PPP1R3A: variants seen among roughly 807,000 people sequenced by gnomAD.
PPP1R3A encodes the protein RG1.
Under a neutral mutation model 41.7 loss-of-function variants are expected in PPP1R3A, and 29 were observed. The observed-to-expected ratio is 0.70, with a 90% CI of 0.52 to 0.95. PPP1R3A has a LOEUF of 0.95. Ranked by LOEUF, PPP1R3A falls within the 40% of genes least tolerant of loss-of-function variation. The pLI, the probability that PPP1R3A is intolerant of heterozygous loss-of-function variation, is 0.00. For missense variants in PPP1R3A, 1,352 were observed against 1,292.4 expected (o/e 1.05, Z -0.71); for synonymous variants, 485 against 453.4 (o/e 1.07, Z -0.89).
rs770332094 is a variant in PPP1R3A at position 113,882,268 on chromosome 7, T to A, written c.835A>T (p.Asn279Tyr). 5 of 1,505,982 alleles carry A rather than the reference T, an allele frequency of 3.3e-6. No individual in the cohort carries two copies. In the South Asian group the frequency reaches 5.6e-5, roughly 17 times the overall value. The allele number at this position is 1,505,982 out of a possible 1,614,324, so 93.3% of individuals were successfully genotyped here. ...AATTAATGAAGAATATTACCTGTAT[T>A]CTTTGGATTCTCAAAGTTATTTTCT... ...SEENNFENPK[N>Y]TDTYIPTIIC... Residue 279 changes from asparagine to tyrosine, a missense_variant, in exon 2 of 4, where the codon AAT (asparagine) becomes TAT (tyrosine). Asn to Tyr is a moderately radical substitution (Grantham distance 143, BLOSUM62 -2). Coordinates refer to ENST00000284601, the MANE Select transcript of PPP1R3A (RefSeq NM_002711.4).
chr7:113,882,104 T>C lies in PPP1R3A; in HGVS notation c.901A>G (p.Asn301Asp), dbSNP rs754993999. 1 of 1,611,972 alleles carries C rather than the reference T, an allele frequency of 6.2e-7. No homozygotes were observed. Among genetic ancestry groups the C allele is most frequent in the Non-Finnish European group, 8.5e-7 (1 of 1,178,434 alleles). Residue 301 changes from asparagine (N) to aspartate (D), a missense_variant, in exon 3 of 4, where the codon AAT (asparagine) becomes GAT (aspartate). Physicochemically the swap from Asn to Asp is conservative, Grantham distance 23 (BLOSUM62 1). Coordinates refer to ENST00000284601, the MANE Select transcript of PPP1R3A (RefSeq NM_002711.4). ...CTGTTTACATCTTTTACATTTCGATTACTGGCTTCCAAATCTTCCTTGTCC... is the reference window on the plus strand; with the variant it reads ...CTGTTTACATCTTTTACATTTCGATCACTGGCTTCCAAATCTTCCTTGTCC... Reference protein sequence around the residue: ...HEDKEDLEASNRNVKDVNREH... With the variant: ...HEDKEDLEASDRNVKDVNREH...
At position 113,877,638 on chromosome 7, in the gene PPP1R3A, T is replaced by G; in HGVS notation, c.*85A>C. Reference sequence around the variant, plus strand: ...TTCAAGAGAAAAACTGCACTGGATCTTTGAACAATGAATAGTCCCATTCAC... The same window carrying G: ...TTCAAGAGAAAAACTGCACTGGATCGTTGAACAATGAATAGTCCCATTCAC... On this transcript the variant is annotated 3_prime_UTR_variant, in exon 4 of 4. Coordinates refer to ENST00000284601, the MANE Select transcript of PPP1R3A (RefSeq NM_002711.4). The G allele has an allele frequency of 7.0e-7, 1 of 1,437,192 alleles. No homozygotes were observed. Among genetic ancestry groups the G allele is most frequent in the Admixed American group, 2.4e-5 (1 of 42,308 alleles). The allele number at this position is 1,437,192 out of a possible 1,614,324, so 89.0% of individuals were successfully genotyped here.
rs766322596 is a variant in PPP1R3A, at chr7:113,878,675, C to T, written c.2417G>A (p.Arg806His). 19 of 1,613,254 alleles carry T rather than the reference C, an allele frequency of 1.2e-5. No individual in the cohort carries two copies. Among genetic ancestry groups the T allele is most frequent in the East Asian group, 2.2e-5 (1 of 44,854 alleles). The change falls in exon 4 of 4, where the codon CGT becomes CAT. Residue 806 changes from arginine (R) to histidine (H), a missense_variant. By Grantham distance (29) the Arg-to-His change is conservative. Transcript: ENST00000284601. ...IYDNDFEKESRLGICNVRVDE... is the reference protein window; with the variant it reads ...IYDNDFEKESHLGICNVRVDE... ...TACACGTACATTACAAATACCTAAA[C>T]GTGATTCCTTTTCAAAATCATTGTC... is the stretch of plus-strand genomic sequence containing the variant.
At chr7:113,913,500 T>C (rs1285848261) in intron 1 of PPP1R3A, among the ~76,000 whole-genome samples, 1 of 152,148 alleles carries the variant, frequency 6.6e-6, no homozygotes, top group Non-Finnish European at 1.5e-5. Flanking sequence ...CTAATCAATT[T>C]TCTCCTTTGG....
At chr7:113,917,097 A>C (rs1473180342) in intron 1 of PPP1R3A, among the ~76,000 whole-genome samples, 1 of 152,110 alleles carries the variant, frequency 6.6e-6, no homozygotes, top group Non-Finnish European at 1.5e-5. Flanking sequence ...AAAATTTCCC[A>C]ATATCGTATC....
At chr7:113,887,886 C>T (rs958332473) in intron 1 of PPP1R3A, among the ~76,000 whole-genome samples, 7 of 152,032 alleles carry the variant, frequency 4.6e-5, no homozygotes, top group Non-Finnish European at 8.8e-5. Flanking sequence ...AAAAAATTAG[C>T]CGGGCATGGT....
intron 1 of PPP1R3A, among the ~76,000 whole-genome samples, chr7:113,893,834 C>T (rs965123136): frequency 3.9e-5 from 6 of 152,002 alleles, no homozygotes; most frequent in Non-Finnish European, 8.8e-5. Context: ...ACAAGAGGTA[C>T]TTTGCCTTAT....
chr7:113,890,622 T>C (rs774309245), intron 1 of PPP1R3A, among the ~76,000 whole-genome samples: 1 of 152,114 alleles, frequency 6.6e-6, no homozygotes, highest in Non-Finnish European at 1.5e-5. Context: ...AATGTTTGTG[T>C]ATCTCATATG....
intron 1 of PPP1R3A, among the ~76,000 whole-genome samples, chr7:113,915,272 G>A (rs948159339): frequency 6.6e-6 from 1 of 152,010 alleles, no homozygotes; most frequent in African/African-American, 2.4e-5. Context: ...CATAATGCCT[G>A]GGTGGGTGAT....
chr7:113,881,887 GT>G (rs1475515978), intron 3 of PPP1R3A, 151 bp downstream of exon 3: 2 of 829,964 alleles, frequency 2.4e-6, no homozygotes, highest in African/African-American at 3.4e-5. Context: ...AAAGTGCCTT[GT>G]TGATCAAGCT....
rs1026222684 is a variant in PPP1R3A, at chr7:113,918,162, G to A, written c.782+53C>T. On this transcript the variant is annotated intron_variant, in intron 1 of 3. Coordinates refer to ENST00000284601, the MANE Select transcript of PPP1R3A (RefSeq NM_002711.4). ...TCTTACAACACATGAAATAAAGAATGACATAAAAACTTTAAGATTGTGAAT... is the reference window on the plus strand; with the variant it reads ...TCTTACAACACATGAAATAAAGAATAACATAAAAACTTTAAGATTGTGAAT... The A allele has an allele frequency of 4.1e-6, 6 of 1,464,934 alleles. No homozygotes were observed. The African/African-American group carries it at 8.5e-5, about 21-fold the overall frequency. The allele number at this position is 1,464,934 out of a possible 1,614,324, so 90.7% of individuals were successfully genotyped here.
rs1189403044 is a variant in PPP1R3A at position 113,879,907 on chromosome 7, G to A, written c.1185C>T (p.Ser395=). 1 of 1,613,500 alleles carries A rather than the reference G, an allele frequency of 6.2e-7. No homozygotes were observed. The highest frequency in any genetic ancestry group is 8.5e-7 in the Non-Finnish European group (1 of 1,179,644). ...GTTGATGTGTACAGTCATCTCCTGAGGAATATTTTTCATTGCAGTAAAAAT... is the reference window on the plus strand; with the variant it reads ...GTTGATGTGTACAGTCATCTCCTGAAGAATATTTTTCATTGCAGTAAAAAT... The part of the protein sequence containing the change: ...KGDFYCNEKY[S]SGDDCTHQPS... The change falls in exon 4 of 4, where the codon TCC becomes TCT. Residue 395 remains serine (S), a synonymous_variant. Coordinates refer to ENST00000284601, the MANE Select transcript of PPP1R3A (RefSeq NM_002711.4).
At chr7:113,893,810 T>C (rs1369571833) in intron 1 of PPP1R3A, among the ~76,000 whole-genome samples, 1 of 152,054 alleles carries the variant, frequency 6.6e-6, no homozygotes, top group East Asian at 1.9e-4. Flanking sequence ...CCTCGGAGCT[T>C]GATCTTACTG....
rs1370775801 is a variant in PPP1R3A at position 113,918,329 on chromosome 7, T to C, written c.668A>G (p.Asn223Ser). ...ACAAATGAATGTATAATTTGTGCCATTATTATTTGACCAAAATGTACCAAC... is the reference window on the plus strand; with the variant it reads ...ACAAATGAATGTATAATTTGTGCCACTATTATTTGACCAAAATGTACCAAC... Reference protein sequence around the residue: ...TSVGTFWSNNNGTNYTFICQK... With the variant: ...TSVGTFWSNNSGTNYTFICQK... Residue 223 changes from asparagine (N) to serine (S), a missense_variant, in exon 1 of 4, where the codon AAT becomes AGT. Physicochemically the swap from Asn to Ser is conservative, Grantham distance 46. Transcript: ENST00000284601. 1.2e-6 allele frequency: 2 copies of C among 1,613,220 alleles called. No individual in the cohort carries two copies. The highest frequency in any genetic ancestry group is 4.5e-5 in the East Asian group (2 of 44,826).
At chr7:113,882,976 A>G (rs1004634265) in intron 1 of PPP1R3A, among the ~76,000 whole-genome samples, 1 of 152,028 alleles carries the variant, frequency 6.6e-6, no homozygotes, top group Non-Finnish European at 1.5e-5. Context: ...ATATGCAAGC[A>G]TATACTTTCC....
At chr7:113,900,150 C>A (rs1451939296) in intron 1 of PPP1R3A, among the ~76,000 whole-genome samples, 1 of 151,532 alleles carries the variant, frequency 6.6e-6, no homozygotes, top group Non-Finnish European at 1.5e-5. Context: ...CTGCTTATTA[C>A]AAAATTGATC....
At chr7:113,889,998 A>C (rs1344750863) in intron 1 of PPP1R3A, among the ~76,000 whole-genome samples, 1 of 152,154 alleles carries the variant, frequency 6.6e-6, no homozygotes, top group Non-Finnish European at 1.5e-5. Context: ...CTGTAAGCTG[A>C]AACCTAAATA....
rs1796598776 is a variant in PPP1R3A, at chr7:113,877,921, C to T, written c.3171G>A (p.Glu1057=). 6.2e-7 allele frequency: 1 copy of T among 1,613,280 alleles called. No homozygotes were observed. The highest frequency in any genetic ancestry group is 8.5e-7 in the Non-Finnish European group (1 of 1,179,532). The part of the protein sequence containing the change: ...DSSASTSLPV[E]ESQAQGNESL... Reference sequence around the variant, plus strand: ...ATTCGTTGCCTTGAGCTTGACTTTCCTCAACAGGAAGACTAGTAGAAGCAG... The same window carrying T: ...ATTCGTTGCCTTGAGCTTGACTTTCTTCAACAGGAAGACTAGTAGAAGCAG... Residue 1057 remains glutamate, a synonymous_variant, in exon 4 of 4, where the codon GAG becomes GAA. Coordinates refer to ENST00000284601, the MANE Select transcript of PPP1R3A (RefSeq NM_002711.4).
At chr7:113,887,963 G>A (rs1796814498) in intron 1 of PPP1R3A, among the ~76,000 whole-genome samples, 1 of 152,090 alleles carries the variant, frequency 6.6e-6, no homozygotes, top group African/African-American at 2.4e-5. Context: ...GGGAGGAGGA[G>A]GTTGCAGTGA....
Sources: gnomAD v4.1 joint callset for allele counts (sites outside exome capture counted in the v4.1 genomes callset) on GRCh38, gnomAD v4.1.1 for gene constraint, MANE v1.5 for transcripts, NCBI Gene and HGNC (gene_info 2026-07-23, HGNC 2026-07-21) for gene names.